STOX1: variants seen among roughly 807,000 people sequenced by gnomAD.
STOX1 encodes storkhead box 1.
A neutral mutation model predicts 74.8 loss-of-function variants in STOX1; 57 were observed. The observed-to-expected ratio is 0.76, with a 90% CI of 0.62 to 0.95. The LOEUF is 0.95. STOX1 is among the 40% of genes least tolerant of loss of function. The probability of loss-of-function intolerance (pLI) is 0.00; values close to 1 mark genes in which losing one functional copy is unlikely to be tolerated. For synonymous variants in STOX1, 375 were observed against 401.3 expected, an observed-to-expected ratio of 0.93 and a Z score of 0.78; for missense variants, 1,010 against 1,117.0, an observed-to-expected ratio of 0.90 and a Z score of 1.37.
chr10:68,891,027 C>G (rs1239119333), intron 3 of STOX1, among the ~76,000 whole-genome samples: 1 of 152,092 alleles, frequency 6.6e-6, no homozygotes, highest in East Asian at 1.9e-4. Flanking sequence ...CCATGGGTTC[C>G]TTTTCTTTCT....
chr10:68,864,152 C>T (rs915315042), intron 1 of STOX1, among the ~76,000 whole-genome samples: 2 of 151,996 alleles, frequency 1.3e-5, no homozygotes, highest in African/African-American at 4.8e-5. Flanking sequence ...TCTCGATCTC[C>T]TGACCTCGTG....
chr10:68,851,299 T>TA (rs35166698), intron 1 of STOX1, among the ~76,000 whole-genome samples: 11,157 of 108,468 alleles, frequency 0.1, 435 homozygotes, highest in Middle Eastern at 0.15. Context: ...TGAGACTTTC[T>TA]AAAAAAAAAA....
chr10:68,846,152 A>T (rs1839849595), intron 1 of STOX1, among the ~76,000 whole-genome samples: 1 of 144,860 alleles, frequency 6.9e-6, no homozygotes. Context: ...TATTATTATT[A>T]TTATTATTAT....
chr10:68,884,229 A>C lies in STOX1; in HGVS notation c.464-31A>C, dbSNP rs780721454. On this transcript the variant is annotated intron_variant, in intron 2 of 3. Coordinates refer to ENST00000298596, the MANE Select transcript of STOX1 (RefSeq NM_152709.5). ...ACTCATTAAAATTTTTCTTATTCAAAATCTATCTGTAAAATGCTTGTCTGT... is the reference window on the plus strand; with the variant it reads ...ACTCATTAAAATTTTTCTTATTCAACATCTATCTGTAAAATGCTTGTCTGT... 13 of 1,608,610 alleles carry C rather than the reference A, an allele frequency of 8.1e-6. No individual in the cohort carries two copies. In the African/African-American group the frequency reaches 1.6e-4, roughly 20 times the overall value.
At position 68,886,598 on chromosome 10, in the gene STOX1, T is replaced by C. The variant is rs1840966451; in HGVS notation, c.2802T>C (p.Asp934=). 6.2e-7 allele frequency: 1 copy of C among 1,614,092 alleles called. No homozygotes were observed. The highest frequency in any genetic ancestry group is 1.3e-5 in the African/African-American group (1 of 75,046). Residue 934 remains aspartate, a synonymous_variant, in exon 3 of 4, where the codon GAT becomes GAC. Transcript: ENST00000298596. ...EGTENHSMAG[D]SGIDSPRTQS... is the part of the protein sequence containing the mutation. ...CAGAAAATCACAGCATGGCAGGAGATAGTGGAATAGATTCTCCACGGTAGG... is the reference window on the plus strand; with the variant it reads ...CAGAAAATCACAGCATGGCAGGAGACAGTGGAATAGATTCTCCACGGTAGG...
chr10:68,854,804 G>C (rs1034410682), intron 1 of STOX1, among the ~76,000 whole-genome samples: 4 of 152,126 alleles, frequency 2.6e-5, no homozygotes, highest in African/African-American at 9.7e-5. Context: ...TGGTAACAAA[G>C]AGTTTACAGT....
At chr10:68,865,308 A>G (rs1312627319) in intron 1 of STOX1, among the ~76,000 whole-genome samples, 2 of 149,518 alleles carry the variant, frequency 1.3e-5, no homozygotes, top group Admixed American at 1.3e-4. Context: ...AGTCCTGCTC[A>G]GCTAAGGAGA....
At chr10:68,876,798 A>G (rs933160300) in intron 1 of STOX1, among the ~76,000 whole-genome samples, 4 of 152,146 alleles carry the variant, frequency 2.6e-5, no homozygotes, top group African/African-American at 9.7e-5. Context: ...TTACTCCCTC[A>G]TAGTTGAGGA....
At chr10:68,840,622 G>A (rs1839669166) in intron 1 of STOX1, among the ~76,000 whole-genome samples, 1 of 152,102 alleles carries the variant, frequency 6.6e-6, no homozygotes, top group African/African-American at 2.4e-5. Flanking sequence ...GTGCACTGGT[G>A]TGATCTTGGC....
At chr10:68,844,692 A>G (rs1839790154) in intron 1 of STOX1, among the ~76,000 whole-genome samples, 1 of 152,200 alleles carries the variant, frequency 6.6e-6, no homozygotes, top group African/African-American at 2.4e-5. Context: ...TATATTTTAG[A>G]TACAAGTCCT....
At position 68,885,239 on chromosome 10, in the gene STOX1, A is replaced by G; in HGVS notation, c.1443A>G (p.Thr481=). ...AGAAACCACTTGGTGAGATTACAAC[A>G]GTGCTAGGTTCCCATTTGATTTACA... ...VGQKPLGEIT[T]VLGSHLIYKK... Residue 481 remains threonine, a synonymous_variant, in exon 3 of 4, where the codon ACA becomes ACG. Transcript: ENST00000298596. 3 of 1,614,248 alleles carry G rather than the reference A, an allele frequency of 1.9e-6. No individual in the cohort carries two copies. The highest frequency in any genetic ancestry group is 2.5e-6 in the Non-Finnish European group (3 of 1,180,048).
chr10:68,829,175 A>G (rs1839343230), intron 1 of STOX1, among the ~76,000 whole-genome samples: 1 of 152,214 alleles, frequency 6.6e-6, no homozygotes, highest in South Asian at 2.1e-4. Context: ...AGGAGTCGCA[A>G]ATAAAAAACA....
At chr10:68,831,368 G>A (rs1299256179) in intron 1 of STOX1, among the ~76,000 whole-genome samples, 1 of 152,046 alleles carries the variant, frequency 6.6e-6, no homozygotes, top group Non-Finnish European at 1.5e-5. Context: ...TGTATTTTTA[G>A]TAGAGATGGG....
intron 1 of STOX1, among the ~76,000 whole-genome samples, chr10:68,852,375 C>T (rs989108051): frequency 6.7e-6 from 1 of 149,504 alleles, no homozygotes; most frequent in African/African-American, 2.5e-5. Context: ...TCTCCTGCCT[C>T]AGCCTCCCGA....
At chr10:68,864,270 C>T (rs1840345948) in intron 1 of STOX1, among the ~76,000 whole-genome samples, 1 of 152,186 alleles carries the variant, frequency 6.6e-6, no homozygotes, top group Non-Finnish European at 1.5e-5. Context: ...AAAAACTTTA[C>T]CTTTTGATCC....
intron 1 of STOX1, among the ~76,000 whole-genome samples, chr10:68,831,742 C>T (rs188283981): frequency 6.6e-6 from 1 of 152,188 alleles, no homozygotes; most frequent in Non-Finnish European, 1.5e-5. Context: ...ATGTTTTCTC[C>T]AAGTTTTCTG....
intron 1 of STOX1, among the ~76,000 whole-genome samples, chr10:68,848,697 C>T (rs1839910786): frequency 6.6e-6 from 1 of 152,154 alleles, no homozygotes; most frequent in South Asian, 2.1e-4. Flanking sequence ...GACAGTCTCA[C>T]TCTGTCTCCC....
chr10:68,859,842 A>T (rs1228920395), intron 1 of STOX1, among the ~76,000 whole-genome samples: 1 of 151,898 alleles, frequency 6.6e-6, no homozygotes, highest in African/African-American at 2.4e-5. Flanking sequence ...TCATCTTCCT[A>T]GTAGATGATC....
intron 1 of STOX1, among the ~76,000 whole-genome samples, chr10:68,860,788 G>A (rs1416360135): frequency 1.3e-5 from 2 of 152,158 alleles, no homozygotes; most frequent in East Asian, 3.9e-4. Flanking sequence ...GGCCACTGAG[G>A]TATGCCTCTC....
Sources: allele counts gnomAD v4.1 joint callset (sites outside exome capture counted in the v4.1 genomes callset), GRCh38; gene constraint gnomAD v4.1.1; transcripts MANE v1.5; gene names NCBI Gene and HGNC (gene_info 2026-07-23, HGNC 2026-07-21).